The following SRRD variants were observed in gnomAD, a reference collection of about 807,000 sequenced individuals.
SRRD encodes the protein SRR1-like protein.
In SRRD, 28 loss-of-function variants were observed where a neutral mutation model predicts 30.7. The observed-to-expected ratio is 0.91, with a 90% confidence interval of 0.68 to 1.25. SRRD has a LOEUF of 1.25. Among genes scored for constraint, SRRD ranks in the 50% most tolerant of loss-of-function variants. The pLI is 0.00. For missense variants in SRRD, 415 were observed against 417.3 expected (o/e 0.99, Z 0.05); for synonymous variants, 161 against 159.6 (o/e 1.01, Z -0.07).
chr22:26,490,483 T>C (rs979409725), intron 5 of SRRD, among the ~76,000 whole-genome samples: 2 of 151,236 alleles, frequency 1.3e-5, no homozygotes, highest in African/African-American at 4.9e-5. Flanking sequence ...CTCCACGTCC[T>C]CATTCTGTTT....
chr22:26,486,191 A>C (rs765413330), intron 2 of SRRD, 128 bp downstream of exon 2: 45 of 993,010 alleles, frequency 4.5e-5, no homozygotes, highest in Non-Finnish European at 6.3e-5. Flanking sequence ...TTACAGCTGT[A>C]TGTCTTTTGG....
chr22:26,488,795 T>A (rs567855094), intron 4 of SRRD, among the ~76,000 whole-genome samples: 2 of 152,374 alleles, frequency 1.3e-5, no homozygotes, highest in African/African-American at 4.8e-5. Context: ...TACTGAAACA[T>A]AAAAGTCTAG....
At chr22:26,489,920 A>G in intron 4 of SRRD, 124 bp from the exon 5 acceptor site, 1 of 1,059,604 alleles carries the variant, frequency 9.4e-7, no homozygotes, top group South Asian at 1.6e-5. Flanking sequence ...GTTCCACAAA[A>G]TGAGCTTTTT....
chr22:26,486,713 A>G (rs2091711220), intron 2 of SRRD, among the ~76,000 whole-genome samples: 1 of 152,150 alleles, frequency 6.6e-6, no homozygotes, highest in African/African-American at 2.4e-5. Flanking sequence ...GCAATGAGTA[A>G]CTTTATGCAT....
rs771523466 is a variant in SRRD at position 26,492,280 on chromosome 22, C to T, written c.*608C>T. 1 of 1,614,256 alleles carries T rather than the reference C, an allele frequency of 6.2e-7. No homozygotes were observed. Among genetic ancestry groups the T allele is most frequent in the South Asian group, 1.1e-5 (1 of 91,088 alleles). On this transcript the variant is annotated 3_prime_UTR_variant, in exon 7 of 7. Coordinates refer to ENST00000215917, the MANE Select transcript of SRRD (RefSeq NM_001013694.3). The stretch of plus-strand genomic sequence containing the variant: ...CCATGTTCTCAGCCTCCCGCCTCTC[C>T]TGCATGGCCTCGTACTGGAAGTCCT...
In SRRD at chr22:26,491,846, C is replaced by G. The variant is rs1164820357; in HGVS notation, c.*174C>G. On this transcript the variant is annotated 3_prime_UTR_variant, in exon 7 of 7. Transcript: ENST00000215917. ...AGGACTTGGTATAAAGATTCCTGCC[C>G]TACGTGGCATTGTCCCATTTTACAT... The G allele has an allele frequency of 2.2e-6, 2 of 926,234 alleles. No individual in the cohort carries two copies. The highest frequency in any genetic ancestry group is 3.2e-6 in the Non-Finnish European group (2 of 629,064). 57.4% of individuals were successfully genotyped at this position (926,234 alleles called of 1,614,324 possible).
intron 3 of SRRD, 45 bp from the exon 4 acceptor site, chr22:26,488,345 C>T: frequency 6.2e-7 from 1 of 1,613,588 alleles, no homozygotes. Context: ...CATGGGTGCA[C>T]ACAGATGTTT....
Position 26,488,422 on chromosome 22 carries a change from T to A in SRRD, c.543T>A (p.Pro181=). The A allele has an allele frequency of 6.2e-7, 1 of 1,614,234 alleles. No individual in the cohort carries two copies. Among genetic ancestry groups the A allele is most frequent in the Non-Finnish European group, 8.5e-7 (1 of 1,180,018 alleles). Residue 181 remains proline, a synonymous_variant, in exon 4 of 7, where the codon CCT becomes CCA. Transcript: ENST00000215917. ...GAAGTCACTGTTGGGTATATGACCC[T>A]CTGTTTAGCCAACTTGAAATTGAAG... The part of the protein sequence containing the change: ...IPRSHCWVYD[P]LFSQLEIEVL...
At chr22:26,485,526 C>T (rs955275083) in intron 1 of SRRD, among the ~76,000 whole-genome samples, 1 of 152,222 alleles carries the variant, frequency 6.6e-6, no homozygotes, top group Admixed American at 6.5e-5. Flanking sequence ...TTGGTTTTGT[C>T]TCTTTACTTT....
Position 26,492,611 on chromosome 22 carries a change from G to C in SRRD, c.*939G>C. The C allele has an allele frequency of 2.0e-6, 1 of 507,732 alleles. No individual in the cohort carries two copies. The highest frequency in any genetic ancestry group is 3.6e-6 in the Non-Finnish European group (1 of 280,232). The allele number at this position is 507,732 out of a possible 1,614,324, so 31.5% of individuals were successfully genotyped here. A position where few individuals can be genotyped will look rare whatever the true frequency, so the allele number is the denominator to read the frequency against. ...TTATTAATATTCAACATTTTAAAAT[G>C]AAGTATCTGCAAGGGATTTCTTCCT... On this transcript the variant is annotated 3_prime_UTR_variant, in exon 7 of 7. Transcript: ENST00000215917.
chr22:26,488,355 T>G (rs1402776257), intron 3 of SRRD, 35 bp from the exon 4 acceptor site: 1 of 1,613,790 alleles, frequency 6.2e-7, no homozygotes. Context: ...CACAGATGTT[T>G]GGGTTGAAGT....
At chr22:26,486,922 T>C (rs1251349859) in intron 2 of SRRD, among the ~76,000 whole-genome samples, 2 of 150,802 alleles carry the variant, frequency 1.3e-5, no homozygotes, top group Non-Finnish European at 3.0e-5. Context: ...TGCTTTTTTT[T>C]TTTTTTTTTT....
Position 26,491,505 on chromosome 22 carries a change from C to T in SRRD, c.853C>T (p.Gln285Ter), listed in dbSNP as rs1208946957. 9 of 1,614,036 alleles carry T rather than the reference C, an allele frequency of 5.6e-6. No homozygotes were observed. The highest frequency in any genetic ancestry group is 7.6e-6 in the Non-Finnish European group (9 of 1,180,004). The change falls in exon 7 of 7, where the codon CAA becomes TAA. Residue 285 changes from glutamine (Q) to a stop codon, truncating the protein, a stop_gained. Transcript: ENST00000215917. LOFTEE classifies it low-confidence loss of function (END_TRUNC). ...GGAGCTTGAGTTTCCTCAGACTTCA[C>T]AATACATGGACATATTTAATGATAC... Reference protein sequence around the residue: ...LEELEFPQTSQYMDIFNDTSV... With the variant: ...LEELEFPQTS
At chr22:26,487,928 T>C (rs1371225383) in intron 2 of SRRD, 101 bp from the exon 3 acceptor site, 13 of 1,355,782 alleles carry the variant, frequency 9.6e-6, no homozygotes, top group Middle Eastern at 2.6e-4. Context: ...TTTACTGCCC[T>C]GATCTCTTTC....
In SRRD at chr22:26,491,071, G is replaced by GT. The variant is rs1569152802; in HGVS notation, c.810+2dup. 1 of 1,611,998 alleles carries GT rather than the reference G, an allele frequency of 6.2e-7. No individual in the cohort carries two copies. The highest frequency in any genetic ancestry group is 2.2e-5 in the East Asian group (1 of 44,866). ...GAAAAATTATCCCTACATTGCAAAG[G>GT]TATCTATCTGAATAAAGGGGCTGGG... On this transcript the variant is annotated splice_donor_variant, in intron 6 of 6. Transcript: ENST00000215917. LOFTEE classifies it high-confidence loss of function.
chr22:26,484,020 AGAGAGGCGGCGCCCCGGGG>A lies in SRRD; in HGVS notation c.131_149del (p.Arg44ThrfsTer34). 1 of 217,534 alleles carries A rather than the reference AGAGAGGCGGCGCCCCGGGG, an allele frequency of 4.6e-6. No individual in the cohort carries two copies. 13.5% of individuals were successfully genotyped at this position (217,534 alleles called of 1,614,324 possible). On this transcript the variant is annotated frameshift_variant, in exon 1 of 7. Transcript: ENST00000215917. LOFTEE classifies it high-confidence loss of function. The stretch of plus-strand genomic sequence containing the variant: ...GGGGAGAGAGGCGGCGCCCCGGGGG[AGAGAGGCGGCGCCCCGGGG>A]CCCCGAGGCGGAGTTCGAGTCTGAC...
rs754641982 is a variant in SRRD at position 26,488,376 on chromosome 22, T to C, written c.511-14T>C. 7 of 1,613,906 alleles carry C rather than the reference T, an allele frequency of 4.3e-6. No homozygotes were observed. The highest frequency in any genetic ancestry group is 2.2e-5 in the South Asian group (2 of 91,070). On this transcript the variant is annotated splice_polypyrimidine_tract_variant and intron_variant, in intron 3 of 6. Coordinates refer to ENST00000215917, the MANE Select transcript of SRRD (RefSeq NM_001013694.3). ...TGTTTGGGTTGAAGTAAACAACTCA[T>C]TCTTCCCTTCTAGATTCCCAGAAGT...
Position 26,488,021 on chromosome 22 carries a change from T to C in SRRD, c.251-8T>C, listed in dbSNP as rs777380577. ...CCTCTAACTGCATTTGGGGGCCTGC[T>C]CTTTCAGAAACCATCAATAGATGTC... On this transcript the variant is annotated splice_polypyrimidine_tract_variant and splice_region_variant and intron_variant, in intron 2 of 6. Transcript: ENST00000215917. 31 of 1,601,588 alleles carry C rather than the reference T, an allele frequency of 1.9e-5. No individual in the cohort carries two copies. Among genetic ancestry groups the C allele is most frequent in the Non-Finnish European group, 2.6e-5 (30 of 1,172,560 alleles).
chr22:26,488,266 T>A lies in SRRD; in HGVS notation c.488T>A (p.Leu163Gln). 6.2e-7 allele frequency: 1 copy of A among 1,614,004 alleles called. No homozygotes were observed. Among genetic ancestry groups the A allele is most frequent in the Non-Finnish European group, 8.5e-7 (1 of 1,179,848 alleles). Residue 163 changes from leucine to glutamine, a missense_variant, in exon 3 of 7, where the codon CTG becomes CAG. By Grantham distance (113) the Leu-to-Gln change is moderately radical (BLOSUM62 -2). Transcript: ENST00000215917. ...GCTAGAAACCAGCTAACGTTTTTGC[T>A]GCTTTTGTTGGAAAAGTGCCAGGTA... ...IVARNQLTFL[L>Q]LLLEKCQIPR... is the part of the protein sequence containing the mutation.
Sources: gnomAD v4.1 joint callset for allele counts (sites outside exome capture counted in the v4.1 genomes callset) on GRCh38, gnomAD v4.1.1 for gene constraint, MANE v1.5 for transcripts, NCBI Gene and HGNC (gene_info 2026-07-23, HGNC 2026-07-21) for gene names.